MOK: variants seen among roughly 807,000 people sequenced by gnomAD.
The protein encoded by MOK is MOK protein kinase, also known as MAPK/MAK/MRK overlapping kinase.
MOK carries 59 observed loss-of-function variants against 54.2 expected under a neutral mutation model. That is an observed-to-expected ratio of 1.09 (90% CI 0.88 to 1.35). MOK has a LOEUF of 1.35. Ranked by LOEUF, MOK falls within the 40% of genes most tolerant of loss-of-function variation. MOK has a pLI of 0.00. For synonymous variants in MOK, 210 were observed against 202.7 expected (o/e 1.04, Z -0.31); for missense variants, 517 against 526.2 (o/e 0.98, Z 0.17).
chr14:102,232,508 C>G lies in MOK; in HGVS notation c.866+27G>C. On this transcript the variant is annotated intron_variant, in intron 9 of 11. Transcript: ENST00000361847. The surrounding 1 kb of genome is among the most constrained non-coding windows in gnomAD (Gnocchi z 5.1). ...TCTCATTTGCCAGGTCCTGCATCTG[C>G]CCCACCGAACCCACGAGAGTGCCTA... 6.3e-7 allele frequency: 1 copy of G among 1,599,534 alleles called. No homozygotes were observed. The highest frequency in any genetic ancestry group is 8.5e-7 in the Non-Finnish European group (1 of 1,170,526).
At chr14:102,261,517 T>C (rs1360116196) in intron 4 of MOK, among the ~76,000 whole-genome samples, 5 of 139,400 alleles carry the variant, frequency 3.6e-5, no homozygotes, top group African/African-American at 1.3e-4. Context: ...AATTCTCCCT[T>C]CTTGTTGACT....
At chr14:102,218,680 C>T in the MOK span, among the ~76,000 whole-genome samples, 2 of 151,856 alleles carry the variant, frequency 1.3e-5, no homozygotes, top group African/African-American at 2.4e-5. Flanking sequence ...AAGTCTCTAG[C>T]GGGAATAAAA....
chr14:102,276,851 CTTTT>C (rs1360783086), intron 2 of MOK, among the ~76,000 whole-genome samples: 3 of 150,898 alleles, frequency 2.0e-5, no homozygotes, highest in Non-Finnish European at 3.0e-5. Context: ...TTCTGTATTT[CTTTT>C]GTTGTTTTTC....
At chr14:102,223,410 T>C (rs2064122580), downstream of MOK, 1 of 152,652 alleles carries the variant, frequency 6.6e-6, no homozygotes, top group African/African-American at 2.4e-5. Context: ...TTAAAAATAG[T>C]TGAATGCTGG....
At chr14:102,215,854 A>G in the MOK span, among the ~76,000 whole-genome samples, 1 of 152,320 alleles carries the variant, frequency 6.6e-6, no homozygotes, top group East Asian at 1.9e-4. Context: ...ATGAAATACC[A>G]TCCCTCACTC....
chr14:102,276,889 C>A (rs573848777), intron 2 of MOK, among the ~76,000 whole-genome samples: 1 of 151,990 alleles, frequency 6.6e-6, no homozygotes. Flanking sequence ...TGCTCTGTCA[C>A]CTAGGCTGGA....
rs144753677 is a variant in MOK, at chr14:102,244,781, G to A, written c.590+6031C>T. ...CGGTTTGGCCTTCCCACCTCTATAC[G>A]GTCCAATAACGGACTGGCCTTTATT... On this transcript the variant is annotated intron_variant, in intron 7 of 11. Coordinates refer to ENST00000361847, the MANE Select transcript of MOK (RefSeq NM_014226.3). 4.7e-3 allele frequency among the ~76,000 whole-genome samples: 708 copies of A among 152,150 alleles called. 7 individuals carry two copies. Among genetic ancestry groups the A allele is most frequent in the African/African-American group, 0.016 (657 of 41,480 alleles).
At chr14:102,276,223 G>A (rs989027317) in intron 2 of MOK, among the ~76,000 whole-genome samples, 1 of 152,148 alleles carries the variant, frequency 6.6e-6, no homozygotes, top group Non-Finnish European at 1.5e-5. Context: ...GGTGGCTCAC[G>A]CCTGTAATCC....
intron 4 of MOK, among the ~76,000 whole-genome samples, chr14:102,254,240 G>A (rs1187111631): frequency 2.0e-5 from 3 of 152,052 alleles, no homozygotes; most frequent in African/African-American, 4.8e-5. Flanking sequence ...CGCCCGCCTC[G>A]GCCTCCCGAA....
chr14:102,229,311 A>G lies in MOK; in HGVS notation c.1238T>C (p.Ile413Thr), dbSNP rs774958063. 26 of 1,611,632 alleles carry G rather than the reference A, an allele frequency of 1.6e-5. No individual in the cohort carries two copies. In the East Asian group the frequency reaches 4.7e-4, roughly 29 times the overall value. ...CAGTTATCTTCCGCCTTTCCGCACT[A>G]TGGTGGGCAGGCGACACTGCTGCGG... is the stretch of plus-strand genomic sequence containing the variant. ...PAPQQCRLPT[I>T]VRKGGR is the part of the protein sequence containing the mutation. Residue 413 changes from isoleucine (I) to threonine (T), a missense_variant, in exon 12 of 12, where the codon ATA becomes ACA. Ile to Thr is a moderately conservative substitution (Grantham distance 89, BLOSUM62 -1). Coordinates refer to ENST00000361847, the MANE Select transcript of MOK (RefSeq NM_014226.3).
chr14:102,293,701 C>CAAAAAAAAAAA (rs10598736), intron 1 of MOK, among the ~76,000 whole-genome samples: 40 of 54,594 alleles, frequency 7.3e-4, no homozygotes, highest in East Asian at 9.7e-4. Context: ...AACTCCATCA[C>CAAAAAAAAAAA]AAAAAAAAAA....
At position 102,251,737 on chromosome 14, in the gene MOK, T is replaced by C. The variant is rs749603131; in HGVS notation, c.411+19A>G. 2 of 1,550,642 alleles carry C rather than the reference T, an allele frequency of 1.3e-6. No individual in the cohort carries two copies. Among genetic ancestry groups the C allele is most frequent in the South Asian group, 2.3e-5 (2 of 88,224 alleles). ...TCAGCTTTTATTCTGATACCCAGCTTTCATGTAAAAGCTCTTACCTTTATT... is the reference window on the plus strand; with the variant it reads ...TCAGCTTTTATTCTGATACCCAGCTCTCATGTAAAAGCTCTTACCTTTATT... On this transcript the variant is annotated intron_variant, in intron 6 of 11. Coordinates refer to ENST00000361847, the MANE Select transcript of MOK (RefSeq NM_014226.3).
chr14:102,232,062 A>G lies in MOK; in HGVS notation c.867-241T>C, dbSNP rs7152627. 104,909 of 439,056 alleles carry G rather than the reference A, an allele frequency of 0.24. 16,146 individuals are homozygous for G. The highest frequency in any genetic ancestry group is 0.56 in the African/African-American group (28,124 of 49,828). 27.2% of individuals were successfully genotyped at this position (439,056 alleles called of 1,614,324 possible). On this transcript the variant is annotated intron_variant, in intron 9 of 11. Transcript: ENST00000361847. This position sits in a 1 kb window ranked among gnomAD's most constrained non-coding sequence, Gnocchi z 5.1. ...TGCCTACCCAGGGACTCGCAGTTTCAGATCAAACTGTCACCTCCACAGTTA... is the reference window on the plus strand; with the variant it reads ...TGCCTACCCAGGGACTCGCAGTTTCGGATCAAACTGTCACCTCCACAGTTA...
At chr14:102,287,438 C>A (rs1044969130) in intron 1 of MOK, among the ~76,000 whole-genome samples, 3 of 152,090 alleles carry the variant, frequency 2.0e-5, no homozygotes, top group Non-Finnish European at 4.4e-5. Flanking sequence ...GAAACCCCAT[C>A]GTACTAAAAA....
intron 2 of MOK, among the ~76,000 whole-genome samples, chr14:102,272,640 T>A (rs2068474459): frequency 6.6e-6 from 1 of 152,192 alleles, no homozygotes. Context: ...TGAATGAATG[T>A]TATCCACCAC....
chr14:102,284,423 GA>G lies in MOK; in HGVS notation c.8-832del, dbSNP rs1485398400. ...CTAAGGAAAGTGGTGGGAAGAGTCA[GA>G]ATGATGGAGTACGCTAATTACTACT... On this transcript the variant is annotated intron_variant, in intron 1 of 11. Transcript: ENST00000361847. Among the ~76,000 whole-genome samples, 6 of 152,090 alleles carry G rather than the reference GA, an allele frequency of 3.9e-5. No individual in the cohort carries two copies. The East Asian group carries it at 1.2e-3, about 30-fold the overall frequency.
At chr14:102,243,387 T>C (rs917176042) in intron 7 of MOK, among the ~76,000 whole-genome samples, 4 of 152,166 alleles carry the variant, frequency 2.6e-5, no homozygotes, top group African/African-American at 9.7e-5. Context: ...GCAGTTGAAA[T>C]TCTTACACAA....
chr14:102,301,490 C>T (rs2072194365), intron 1 of MOK, among the ~76,000 whole-genome samples: 1 of 152,094 alleles, frequency 6.6e-6, no homozygotes, highest in Non-Finnish European at 1.5e-5. Flanking sequence ...CAAAAATATA[C>T]CTAGAAAATC....
At chr14:102,303,939 T>C (rs2072507678) in intron 1 of MOK, among the ~76,000 whole-genome samples, 1 of 152,332 alleles carries the variant, frequency 6.6e-6, no homozygotes, top group Non-Finnish European at 1.5e-5. Context: ...AAAATGAATA[T>C]AGTACAAAAT....
Sources: allele counts gnomAD v4.1 joint callset (sites outside exome capture counted in the v4.1 genomes callset), GRCh38; gene constraint gnomAD v4.1.1; non-coding constraint Gnocchi (gnomAD v3.1); transcripts MANE v1.5; gene names NCBI Gene and HGNC (gene_info 2026-07-23, HGNC 2026-07-21).